The following FAM107B variants were observed in gnomAD, a reference collection of about 807,000 sequenced individuals.
The protein encoded by FAM107B is family with sequence similarity 107 member B, also known as protein FAM107B.
In FAM107B, 21 loss-of-function variants were observed where a neutral mutation model predicts 31.5. The ratio of observed to expected loss-of-function variants is 0.67; its 90% CI spans 0.47 to 0.96. The LOEUF is 0.96. Among genes scored for constraint, FAM107B ranks in the 40% least tolerant of loss-of-function variants. The pLI is 0.00. For missense variants in FAM107B, 452 were observed against 377.1 expected, an observed-to-expected ratio of 1.20 and a Z score of -1.64; for synonymous variants, 157 against 141.5, an observed-to-expected ratio of 1.11 and a Z score of -0.78.
intron 1 of FAM107B, among the ~76,000 whole-genome samples, chr10:14,703,948 A>G (rs1855461705): frequency 6.6e-6 from 1 of 152,222 alleles, no homozygotes; most frequent in Non-Finnish European, 1.5e-5. Flanking sequence ...AACATTTTTA[A>G]AGGGGGAGAG....
At position 14,752,104 on chromosome 10, in the gene FAM107B, T is replaced by C. The variant is rs1013380709; in HGVS notation, c.411+22149A>G. ...CTGATGTCACTCCCAGCCTGTTGGT[T>C]TCCCAATATCCCATCTGCTGAGGCA... On this transcript the variant is annotated intron_variant, in intron 1 of 4. Transcript: ENST00000181796. 2.9e-4 allele frequency among the ~76,000 whole-genome samples: 44 copies of C among 152,292 alleles called. 1 individual carries two copies. The highest frequency in any genetic ancestry group is 1.0e-3 in the African/African-American group (43 of 41,566).
intron 1 of FAM107B, among the ~76,000 whole-genome samples, chr10:14,692,275 C>A (rs1389749378): frequency 6.6e-6 from 1 of 152,108 alleles, no homozygotes; most frequent in African/African-American, 2.4e-5. Context: ...AGATGAGCTC[C>A]CCTGGCGGCT....
chr10:14,773,448 A>C (rs1833350483), intron 1 of FAM107B, among the ~76,000 whole-genome samples: 1 of 152,206 alleles, frequency 6.6e-6, no homozygotes, highest in Non-Finnish European at 1.5e-5. Context: ...CTTGGCTAGG[A>C]AATGACCAAA....
intron 1 of FAM107B, among the ~76,000 whole-genome samples, chr10:14,750,081 T>C (rs981559440): frequency 1.3e-5 from 2 of 152,158 alleles, no homozygotes; most frequent in African/African-American, 4.8e-5. Context: ...AAAATCACCC[T>C]GGGCCAGAAG....
intron 1 of FAM107B, among the ~76,000 whole-genome samples, chr10:14,767,036 A>G (rs1365027096): frequency 4.3e-4 from 13 of 30,506 alleles, no homozygotes; most frequent in African/African-American, 1.1e-3. Context: ...ATATATATAT[A>G]TATATATATA....
chr10:14,759,086 G>C (rs1306779962), intron 1 of FAM107B, among the ~76,000 whole-genome samples: 1 of 151,558 alleles, frequency 6.6e-6, no homozygotes, highest in Admixed American at 6.6e-5. Context: ...GCTGAGGCAG[G>C]AAATCGCTTG....
chr10:14,723,431 C>T, intron 1 of FAM107B: 1 of 554,556 alleles, frequency 1.8e-6, no homozygotes, highest in East Asian at 4.5e-5. Context: ...TTTTTAATCT[C>T]TTCAGGATGT....
intron 1 of FAM107B, among the ~76,000 whole-genome samples, chr10:14,762,803 A>AC (rs1564293334): frequency 9.7e-5 from 14 of 143,926 alleles, no homozygotes; most frequent in Middle Eastern, 7.0e-3. Flanking sequence ...CACACACACA[A>AC]AAAGAACATG....
chr10:14,536,332 A>G (rs1451348823), intron 2 of FAM107B, among the ~76,000 whole-genome samples: 1 of 152,224 alleles, frequency 6.6e-6, no homozygotes, highest in East Asian at 1.9e-4. Flanking sequence ...TGAACTGCTA[A>G]AACGTCTGGA....
intron 1 of FAM107B, among the ~76,000 whole-genome samples, chr10:14,756,982 G>A (rs1387731518): frequency 3.3e-5 from 5 of 152,102 alleles, no homozygotes; most frequent in African/African-American, 9.7e-5. Context: ...GACACACAGA[G>A]GGGAACAACA....
At chr10:14,619,435 A>T (rs1344955893) in intron 2 of FAM107B, among the ~76,000 whole-genome samples, 3 of 152,088 alleles carry the variant, frequency 2.0e-5, no homozygotes, top group African/African-American at 7.2e-5. Context: ...ATGGCTTATT[A>T]TGTTGAGCAC....
chr10:14,628,923 T>C (rs1455183472), intron 2 of FAM107B, among the ~76,000 whole-genome samples: 1 of 151,980 alleles, frequency 6.6e-6, no homozygotes, highest in African/African-American at 2.4e-5. Flanking sequence ...AGACTCATGC[T>C]TTTAAGTTGA....
At chr10:14,643,667 C>T (rs918950919) in intron 2 of FAM107B, among the ~76,000 whole-genome samples, 2 of 152,148 alleles carry the variant, frequency 1.3e-5, no homozygotes, top group Non-Finnish European at 2.9e-5. Context: ...ACCTCGGCCT[C>T]CCAAAGTGCT....
At chr10:14,559,646 T>C (rs796985557) in intron 2 of FAM107B, among the ~76,000 whole-genome samples, 4 of 151,130 alleles carry the variant, frequency 2.6e-5, no homozygotes, top group African/African-American at 9.7e-5. Flanking sequence ...CTCGGCTCAC[T>C]GCACGCTCCG....
At chr10:14,585,175 T>C (rs1851782670) in intron 2 of FAM107B, among the ~76,000 whole-genome samples, 1 of 152,240 alleles carries the variant, frequency 6.6e-6, no homozygotes, top group Non-Finnish European at 1.5e-5. Context: ...GAGTGTACTT[T>C]TGTTTTCAAT....
At chr10:14,554,969 T>C (rs1849573085) in intron 2 of FAM107B, among the ~76,000 whole-genome samples, 1 of 152,146 alleles carries the variant, frequency 6.6e-6, no homozygotes, top group African/African-American at 2.4e-5. Context: ...GTATGCAAGC[T>C]CCTATGGTCT....
intron 1 of FAM107B, among the ~76,000 whole-genome samples, chr10:14,685,020 G>T (rs1355345051): frequency 2.0e-5 from 3 of 151,912 alleles, no homozygotes; most frequent in African/African-American, 7.3e-5. Context: ...TTGTAGACAT[G>T]GGGTCTCCCT....
rs114422956 is a variant in FAM107B at position 14,557,135 on chromosome 10, C to T, written c.470-26620G>A. On this transcript the variant is annotated intron_variant, in intron 2 of 4. Transcript: ENST00000181796. ...ACCTTCTCGGATCAACAATCCAACA[C>T]GGGTCCCTCCGTGGTCAGTCTCTGT... 1.3e-3 allele frequency among the ~76,000 whole-genome samples: 205 copies of T among 152,350 alleles called. 4 individuals are homozygous for T. Among genetic ancestry groups the T allele is most frequent in the African/African-American group, 4.5e-3 (186 of 41,584 alleles).
In FAM107B at chr10:14,629,417, TA is replaced by T. The variant is rs1853276461; in HGVS notation, c.469+38216del. ...ATATATATTATATATTTAATATATATAATATATATAATATATATTATATATA... is the reference window on the plus strand; with the variant it reads ...ATATATATTATATATTTAATATATATATATATATAATATATATTATATATA... On this transcript the variant is annotated intron_variant, in intron 2 of 4. Transcript: ENST00000181796. Among the ~76,000 whole-genome samples, 2 of 832 alleles carry T rather than the reference TA, an allele frequency of 2.4e-3. 1 individual carries two copies. The highest frequency in any genetic ancestry group is 2.7e-3 in the African/African-American group (2 of 752). 0.5% of individuals were successfully genotyped at this position (832 alleles called of 152,430 possible). A position where few individuals can be genotyped will look rare whatever the true frequency, so the allele number is the denominator to read the frequency against.
Sources: gnomAD v4.1 joint callset for allele counts (sites outside exome capture counted in the v4.1 genomes callset) on GRCh38, gnomAD v4.1.1 for gene constraint, MANE v1.5 for transcripts, NCBI Gene and HGNC (gene_info 2026-07-23, HGNC 2026-07-21) for gene names.